The following LTBP1 variants were observed in gnomAD, a reference collection of about 807,000 sequenced individuals.
LTBP1 encodes latent transforming growth factor beta binding protein 1.
Under a neutral mutation model 207.6 loss-of-function variants are expected in LTBP1, and 129 were observed. That is an observed-to-expected ratio of 0.62 (90% CI 0.54 to 0.72). The LOEUF (loss-of-function observed/expected upper bound fraction) is 0.72, where lower values mean the gene tolerates loss of function less well. LTBP1 is among the 30% of genes least tolerant of loss of function. LTBP1 has a pLI of 0.00. For synonymous variants in LTBP1, 963 were observed against 833.7 expected (o/e 1.16, Z -2.67); for missense variants, 2,281 against 2,217.2 (o/e 1.03, Z -0.58).
At chr2:33,259,388 A>T (rs1213858172) in intron 12 of LTBP1, among the ~76,000 whole-genome samples, 200 bp from the exon 13 acceptor site, 1 of 152,222 alleles carries the variant, frequency 6.6e-6, no homozygotes, top group Non-Finnish European at 1.5e-5. Flanking sequence ...GTAGTTGAGG[A>T]GTAACAGCAC....
At chr2:32,999,006 A>G (rs928570252) in intron 2 of LTBP1, among the ~76,000 whole-genome samples, 4 of 152,238 alleles carry the variant, frequency 2.6e-5, no homozygotes, top group Non-Finnish European at 5.9e-5. Flanking sequence ...ACTTGTTAGA[A>G]ATACACCTTA....
rs1202428026 is a variant in LTBP1 at position 33,175,612 on chromosome 2, T to C, written c.1202-11244T>C. Among the ~76,000 whole-genome samples, 3 of 152,194 alleles carry C rather than the reference T, an allele frequency of 2.0e-5. No homozygotes were observed. The East Asian group carries it at 5.8e-4, about 29-fold the overall frequency. On this transcript the variant is annotated intron_variant, in intron 5 of 33. Transcript: ENST00000404816. Reference sequence around the variant, plus strand: ...TCAGTGTGACACTTCCTCAGGGATCTAGAAGTAGAAATACCATTGGACCGA... The same window carrying C: ...TCAGTGTGACACTTCCTCAGGGATCCAGAAGTAGAAATACCATTGGACCGA...
intron 3 of LTBP1, among the ~76,000 whole-genome samples, chr2:33,088,253 A>G (rs2078870098): frequency 6.6e-6 from 1 of 152,344 alleles, no homozygotes; most frequent in South Asian, 2.1e-4. Context: ...GAAGTTCGAG[A>G]CCAGCTTGGC....
Position 33,134,097 on chromosome 2 carries a change from C to G in LTBP1, c.1034-696C>G, listed in dbSNP as rs555693644. On this transcript the variant is annotated intron_variant, in intron 4 of 33. Coordinates refer to ENST00000404816, the MANE Select transcript of LTBP1 (RefSeq NM_206943.4). This position sits in a 1 kb window ranked among gnomAD's most constrained non-coding sequence, Gnocchi z 4.4. ...TTTTTAGGGAGGCAACCATTTATCC[C>G]TGTGACCTGGCTTACCCCTTTAAAG... Among the ~76,000 whole-genome samples, 1 of 152,328 alleles carries G rather than the reference C, an allele frequency of 6.6e-6. No homozygotes were observed. Among genetic ancestry groups the G allele is most frequent in the South Asian group, 2.1e-4 (1 of 4,824 alleles).
At chr2:33,049,474 A>G (rs1364217471) in intron 3 of LTBP1, among the ~76,000 whole-genome samples, 1 of 152,206 alleles carries the variant, frequency 6.6e-6, no homozygotes, top group Non-Finnish European at 1.5e-5. Flanking sequence ...AAATATTAAC[A>G]TATACTGGAC....
At chr2:33,309,056 G>T (rs1256962758) in intron 22 of LTBP1, among the ~76,000 whole-genome samples, 1 of 152,046 alleles carries the variant, frequency 6.6e-6, no homozygotes, top group Non-Finnish European at 1.5e-5. Context: ...GCTGAGGTGG[G>T]CGGATCACTT....
At position 33,257,507 on chromosome 2, in the gene LTBP1, A is replaced by C. The variant is rs757976777; in HGVS notation, c.2391A>C (p.Pro797=). ...AACACGGGCCAGGAGTGGCGGAGCC[A>C]GAAGGTGAGAGCGGTAATGGATCAT... ...SREHGPGVAE[P]EVATAPPEKE... The change falls in exon 12 of 34, where the codon CCA becomes CCC. Residue 797 remains proline (P), a synonymous_variant. Coordinates refer to ENST00000404816, the MANE Select transcript of LTBP1 (RefSeq NM_206943.4). 1.9e-6 allele frequency: 3 copies of C among 1,613,440 alleles called. No individual in the cohort carries two copies. In the East Asian group the frequency reaches 6.7e-5, roughly 36 times the overall value.
At chr2:33,240,913 G>C (rs1329032899) in intron 9 of LTBP1, among the ~76,000 whole-genome samples, 2 of 152,072 alleles carry the variant, frequency 1.3e-5, no homozygotes, top group African/African-American at 4.8e-5. Context: ...GCCTCCCAAA[G>C]TGCTGGGATT....
At chr2:33,208,768 A>G (rs1297889714) in intron 7 of LTBP1, among the ~76,000 whole-genome samples, 2 of 152,136 alleles carry the variant, frequency 1.3e-5, no homozygotes, top group Non-Finnish European at 2.9e-5. Flanking sequence ...GGTTGATGCA[A>G]CTAACATCCA....
chr2:33,261,632 G>A (rs958675398), intron 13 of LTBP1, among the ~76,000 whole-genome samples: 1 of 152,160 alleles, frequency 6.6e-6, no homozygotes, highest in African/African-American at 2.4e-5. Context: ...GGACTAAAAG[G>A]TGACTTTAAA....
intron 5 of LTBP1, among the ~76,000 whole-genome samples, chr2:33,146,371 A>G (rs2083042300): frequency 6.6e-6 from 1 of 152,230 alleles, no homozygotes; most frequent in African/African-American, 2.4e-5. Flanking sequence ...ACAAATAACA[A>G]GCCCCTATGA....
intron 22 of LTBP1, among the ~76,000 whole-genome samples, chr2:33,303,716 G>T (rs535927867): frequency 6.6e-6 from 1 of 152,240 alleles, no homozygotes; most frequent in Admixed American, 6.5e-5. Context: ...TCACAAGAGG[G>T]TTCGCCCTCC....
chr2:33,314,691 A>G (rs1325270303), intron 23 of LTBP1, among the ~76,000 whole-genome samples: 5 of 152,240 alleles, frequency 3.3e-5, no homozygotes, highest in Non-Finnish European at 5.9e-5. Flanking sequence ...TATAAATAAG[A>G]CATGTCTAGC....
chr2:33,136,891 C>T (rs1358751074), intron 5 of LTBP1, among the ~76,000 whole-genome samples: 1 of 152,174 alleles, frequency 6.6e-6, no homozygotes, highest in Non-Finnish European at 1.5e-5. Flanking sequence ...CAGAACTCCA[C>T]TCTCCATATA....
intron 3 of LTBP1, among the ~76,000 whole-genome samples, chr2:33,068,518 A>G (rs909269739): frequency 3.4e-4 from 52 of 152,186 alleles, no homozygotes; most frequent in Admixed American, 6.5e-5. Flanking sequence ...GGAAAAATGA[A>G]TAATGGCATG....
At chr2:33,162,238 T>C (rs558994944) in intron 5 of LTBP1, among the ~76,000 whole-genome samples, 2 of 152,366 alleles carry the variant, frequency 1.3e-5, no homozygotes, top group South Asian at 2.1e-4. Flanking sequence ...TATTTGTTCA[T>C]ATGTATGTGA....
At position 32,983,593 on chromosome 2, in the gene LTBP1, G is replaced by T. The variant is rs148659109; in HGVS notation, c.565+34648G>T. On this transcript the variant is annotated intron_variant, in intron 2 of 33. Transcript: ENST00000404816. The stretch of plus-strand genomic sequence containing the variant: ...TAACTCCCAATAATCCCCTTGTGTC[G>T]TAGGAGGGACCTGGTGGGAAGTAAT... Among the ~76,000 whole-genome samples, 15 of 152,312 alleles carry T rather than the reference G, an allele frequency of 9.8e-5. 1 individual carries two copies. In the South Asian group the frequency reaches 2.7e-3, roughly 27 times the overall value.
intron 12 of LTBP1, among the ~76,000 whole-genome samples, chr2:33,258,008 C>A (rs2092909930): frequency 6.6e-6 from 1 of 152,228 alleles, no homozygotes; most frequent in Admixed American, 6.5e-5. Context: ...CTTCCATTTA[C>A]CCTCTGAGAA....
At position 33,002,078 on chromosome 2, in the gene LTBP1, G is replaced by T. The variant is rs1257954963; in HGVS notation, c.566-18831G>T. Reference sequence around the variant, plus strand: ...TTGATCAAATACAACACCAGTCACTGTTGGGAAATCCTCCTGGACATGTCC... The same window carrying T: ...TTGATCAAATACAACACCAGTCACTTTTGGGAAATCCTCCTGGACATGTCC... On this transcript the variant is annotated intron_variant, in intron 2 of 33. Coordinates refer to ENST00000404816, the MANE Select transcript of LTBP1 (RefSeq NM_206943.4). Among the ~76,000 whole-genome samples, 4 of 134,390 alleles carry T rather than the reference G, an allele frequency of 3.0e-5. No homozygotes were observed. In the Admixed American group the frequency reaches 3.1e-4, roughly 10 times the overall value. The allele number at this position is 134,390 out of a possible 152,430, so 88.2% of individuals were successfully genotyped here.
Sources: allele counts gnomAD v4.1 joint callset (sites outside exome capture counted in the v4.1 genomes callset), GRCh38; gene constraint gnomAD v4.1.1; non-coding constraint Gnocchi (gnomAD v3.1); transcripts MANE v1.5; gene names NCBI Gene and HGNC (gene_info 2026-07-23, HGNC 2026-07-21).